Variants in RRM2 observed in about 807,000 individuals in gnomAD.
The protein encoded by RRM2 is ribonucleotide reductase regulatory subunit M2.
In RRM2, 6 loss-of-function variants were observed where a neutral mutation model predicts 45.9. The observed-to-expected ratio is 0.13, with a 90% CI of 0.07 to 0.26. The LOEUF is 0.26. Among genes scored for constraint, RRM2 ranks in the 10% least tolerant of loss-of-function variants. RRM2 has a pLI of 1.00. For synonymous variants in RRM2, 177 were observed against 173.0 expected (o/e 1.02, Z -0.18); for missense variants, 343 against 489.5 (o/e 0.70, Z 2.82).
Position 10,123,837 on chromosome 2 carries a change from A to T in RRM2, c.420A>T (p.Ile140=), listed in dbSNP as rs1446026247. Residue 140 remains isoleucine, a synonymous_variant, in exon 4 of 10, where the codon ATA becomes ATT. Transcript: ENST00000304567. ...CTTTCTTTGCAGCAAGCGATGGCAT[A>T]GTAAATGAAAACTTGGTGAGTTTCC... The part of the protein sequence containing the change: ...VLAFFAASDG[I]VNENLVERFS... 1 of 1,587,712 alleles carries T rather than the reference A, an allele frequency of 6.3e-7. No homozygotes were observed. Among genetic ancestry groups the T allele is most frequent in the East Asian group, 2.2e-5 (1 of 44,756 alleles).
Position 10,169,280 on chromosome 2 carries a change from T to G in RRM2, n.482+26905T>G, listed in dbSNP as rs1025412213. Among the ~76,000 whole-genome samples the G allele has an allele frequency of 2.0e-5, 3 of 152,080 alleles. No homozygotes were observed. The highest frequency in any genetic ancestry group is 7.2e-5 in the African/African-American group (3 of 41,408). On this transcript the variant is annotated intron_variant and non_coding_transcript_variant, in intron 3 of 3. Transcript: ENST00000381786. This position sits in a 1 kb window ranked among gnomAD's most constrained non-coding sequence, Gnocchi z 5.1. ...GGTGTGCGCCACTGTGCCCAGCTGC[T>G]TCTCTTTGTAAGTTCCCAAGTTGAA... is the stretch of plus-strand genomic sequence containing the variant.
Position 10,160,658 on chromosome 2 carries a change from C to T in RRM2, n.482+18283C>T, listed in dbSNP as rs141431511. ...CCTCTGCCTCTGCCCCAGGACCACC[C>T]GTGCAGACCACCCCCGCCTGCCAGA... On this transcript the variant is annotated intron_variant and non_coding_transcript_variant, in intron 3 of 3. Transcript: ENST00000381786. 2.6e-3 allele frequency among the ~76,000 whole-genome samples: 399 copies of T among 152,322 alleles called. 4 individuals carry two copies. The highest frequency in any genetic ancestry group is 9.2e-3 in the African/African-American group (384 of 41,584).
chr2:10,199,599 G>A (rs1030019482), intron 3 of RRM2, among the ~76,000 whole-genome samples: 2 of 151,744 alleles, frequency 1.3e-5, no homozygotes, highest in Non-Finnish European at 2.9e-5. Flanking sequence ...GGCTAACACA[G>A]TGAAACCCCG....
downstream of RRM2, among the ~76,000 whole-genome samples, chr2:10,133,864 T>A (rs546160957): frequency 6.6e-6 from 1 of 151,960 alleles, no homozygotes; most frequent in Admixed American, 6.6e-5. Flanking sequence ...CACCTGCCCA[T>A]GATAAATAGC....
chr2:10,210,498 G>T (rs149374761), exon 4 of RRM2: 12 of 1,367,750 alleles, frequency 8.8e-6, no homozygotes, highest in Non-Finnish European at 1.2e-5. Flanking sequence ...ATGCACAGAG[G>T]GCGCTGGGCT....
At chr2:10,163,599 G>C (rs113646246) in intron 3 of RRM2, among the ~76,000 whole-genome samples, 3,945 of 152,296 alleles carry the variant, frequency 0.026, 181 homozygotes, top group African/African-American at 0.09. Flanking sequence ...ACTCATCCCG[G>C]GCAGTGGCGG....
intron 3 of RRM2, among the ~76,000 whole-genome samples, chr2:10,167,552 T>C (rs1451599652): frequency 1.3e-5 from 2 of 152,188 alleles, no homozygotes; most frequent in African/African-American, 4.8e-5. Flanking sequence ...AGGCTGTGTG[T>C]AGTCCTGGGC....
At chr2:10,200,984 T>G (rs1200852900) in intron 3 of RRM2, among the ~76,000 whole-genome samples, 1 of 151,972 alleles carries the variant, frequency 6.6e-6, no homozygotes, top group Non-Finnish European at 1.5e-5. Context: ...CTGTCTGTAC[T>G]AAAAAACACA....
At chr2:10,124,606 T>C (rs1662742575) in intron 4 of RRM2, 111 bp from the exon 5 acceptor site, 2 of 1,165,762 alleles carry the variant, frequency 1.7e-6, no homozygotes, top group South Asian at 1.4e-5. Context: ...ATGAAATATA[T>C]ATAGAAATAA....
rs1414221801 is a variant in RRM2, at chr2:10,204,527, A to G, written n.483-5784A>G. On this transcript the variant is annotated intron_variant and non_coding_transcript_variant, in intron 3 of 3. Transcript: ENST00000381786. This position sits in a 1 kb window ranked among gnomAD's most constrained non-coding sequence, Gnocchi z 4.0. ...CTGGCTTCTGTGGTCACTGGCTGTG[A>G]CCCCGCCAGCCCTGCTCAGCGCTGT... Among the ~76,000 whole-genome samples the G allele has an allele frequency of 6.6e-6, 1 of 151,806 alleles. No individual in the cohort carries two copies. The highest frequency in any genetic ancestry group is 6.6e-5 in the Admixed American group (1 of 15,238).
At chr2:10,151,226 G>GT (rs1248406918) in intron 3 of RRM2, among the ~76,000 whole-genome samples, 1 of 151,922 alleles carries the variant, frequency 6.6e-6, no homozygotes, top group East Asian at 1.9e-4. Flanking sequence ...CATTCACCTG[G>GT]TGATGGACAT....
chr2:10,163,159 A>T (rs913449859), intron 3 of RRM2, among the ~76,000 whole-genome samples: 1 of 152,234 alleles, frequency 6.6e-6, no homozygotes, highest in African/African-American at 2.4e-5. Context: ...GTCAAGCTGA[A>T]CCTGCTTAAT....
In RRM2 at chr2:10,181,370, T is replaced by A. The variant is rs539837381; in HGVS notation, n.483-28941T>A. Among the ~76,000 whole-genome samples, 101 of 152,352 alleles carry A rather than the reference T, an allele frequency of 6.6e-4. 2 individuals carry two copies. Among genetic ancestry groups the A allele is most frequent in the African/African-American group, 2.0e-3 (84 of 41,590 alleles). ...TTCTCACCAGAAATGTATTAGTTTT[T>A]GCAGCCTTTTCAAGGAACCAACTTT... On this transcript the variant is annotated intron_variant and non_coding_transcript_variant, in intron 3 of 3. Coordinates refer to the RRM2 transcript ENST00000381786.
chr2:10,209,593 G>A (rs974555511), intron 3 of RRM2, among the ~76,000 whole-genome samples: 23 of 133,972 alleles, frequency 1.7e-4, no homozygotes, highest in Admixed American at 9.1e-4. Flanking sequence ...GTGTGTGTGC[G>A]CGCGCGTGTG....
chr2:10,142,337 G>T, exon 3 of RRM2: 1 of 1,381,396 alleles, frequency 7.2e-7, no homozygotes, highest in Non-Finnish European at 9.7e-7. Flanking sequence ...TGTTACTCGG[G>T]GTGCGCCAGT....
intron 3 of RRM2, chr2:10,210,189 G>T (rs1045781663): frequency 1.4e-5 from 7 of 500,560 alleles, no homozygotes; most frequent in African/African-American, 1.2e-4. Context: ...CTCCTTGTGG[G>T]CAGGAACCAG....
intron 3 of RRM2, among the ~76,000 whole-genome samples, chr2:10,152,281 T>C (rs2125315616): frequency 1.3e-5 from 2 of 152,210 alleles, no homozygotes; most frequent in East Asian, 3.9e-4. Flanking sequence ...AGTTGTGTTA[T>C]ATATTAGGTT....
chr2:10,159,910 CAGGAGGCCCGGCTCTCCTTG>C (rs1252461291), intron 3 of RRM2, among the ~76,000 whole-genome samples: 1 of 152,158 alleles, frequency 6.6e-6, no homozygotes, highest in Non-Finnish European at 1.5e-5. Context: ...GGGAAGCGCC[CAGGAGGCCCGGCTCTCCTTG>C]AGGACACAGC....
intron 3 of RRM2, among the ~76,000 whole-genome samples, chr2:10,168,377 C>T (rs1471836624): frequency 6.6e-6 from 1 of 152,130 alleles, no homozygotes; most frequent in Non-Finnish European, 1.5e-5. Context: ...TTCATCCTGG[C>T]AGGGCTTCCC....
Sources: allele counts gnomAD v4.1 joint callset (sites outside exome capture counted in the v4.1 genomes callset), GRCh38; gene constraint gnomAD v4.1.1; non-coding constraint Gnocchi (gnomAD v3.1); transcripts MANE v1.5; gene names NCBI Gene and HGNC (gene_info 2026-07-23, HGNC 2026-07-21).